The following FHOD3 variants were observed in gnomAD, a reference collection of about 807,000 sequenced individuals.
FHOD3 encodes FH1/FH2 domain-containing protein 3.
In FHOD3, 90 loss-of-function variants were observed where a neutral mutation model predicts 173.0. The ratio of observed to expected loss-of-function variants is 0.52; its 90% CI spans 0.44 to 0.62. The LOEUF is 0.62. Among genes scored for constraint, FHOD3 ranks in the 20% least tolerant of loss-of-function variants. The pLI is 0.00. For synonymous variants in FHOD3, 828 were observed against 823.0 expected (o/e 1.01, Z -0.10); for missense variants, 1,945 against 2,034.7 (o/e 0.96, Z 0.85).
At chr18:36,421,351 C>T (rs1461541817) in intron 3 of FHOD3, among the ~76,000 whole-genome samples, 1 of 152,146 alleles carries the variant, frequency 6.6e-6, no homozygotes, top group Non-Finnish European at 1.5e-5. Context: ...ACCAATGAGG[C>T]ATCTGGATAG....
At chr18:36,298,321 G>T (rs982769968) in intron 1 of FHOD3, among the ~76,000 whole-genome samples, 3 of 152,130 alleles carry the variant, frequency 2.0e-5, no homozygotes, top group African/African-American at 7.2e-5. Flanking sequence ...GGTGGGCGGG[G>T]TGGGGCTAGG....
chr18:36,490,869 G>A (rs75400370), intron 3 of FHOD3, among the ~76,000 whole-genome samples: 1 of 152,346 alleles, frequency 6.6e-6, no homozygotes, highest in Non-Finnish European at 1.5e-5. Context: ...GGAACATCCA[G>A]TGTCCTAAAA....
intron 3 of FHOD3, among the ~76,000 whole-genome samples, chr18:36,394,924 A>C (rs561247962): frequency 2.6e-5 from 4 of 152,354 alleles, no homozygotes; most frequent in African/African-American, 9.6e-5. Context: ...TCATGAGAGC[A>C]TACTAATACT....
rs77978742 is a variant in FHOD3, at chr18:36,725,103, G to T, written c.3418-5543G>T. Among the ~76,000 whole-genome samples, 39 of 152,302 alleles carry T rather than the reference G, an allele frequency of 2.6e-4. No individual in the cohort carries two copies. In the East Asian group the frequency reaches 7.1e-3, roughly 28 times the overall value. On this transcript the variant is annotated intron_variant, in intron 19 of 28. Transcript: ENST00000590592. ...ATAGTTGTTCCTGTTTTCACATCCAGCCAACCCCTAGTCTAGCATCCTGTA... is the reference window on the plus strand; with the variant it reads ...ATAGTTGTTCCTGTTTTCACATCCATCCAACCCCTAGTCTAGCATCCTGTA...
At chr18:36,770,552 A>G (rs573092399) in intron 28 of FHOD3, among the ~76,000 whole-genome samples, 1 of 152,294 alleles carries the variant, frequency 6.6e-6, no homozygotes, top group African/African-American at 2.4e-5. Flanking sequence ...AGAAAGGAAA[A>G]TAACACTTGA....
chr18:36,550,305 C>G (rs148066235), intron 5 of FHOD3, among the ~76,000 whole-genome samples: 1 of 145,098 alleles, frequency 6.9e-6, no homozygotes, highest in African/African-American at 2.6e-5. Context: ...TACCATTGAT[C>G]TGTTTGCCTG....
intron 3 of FHOD3, among the ~76,000 whole-genome samples, chr18:36,373,447 A>G (rs201757531): frequency 0.083 from 1 of 12 alleles, no homozygotes; most frequent in Admixed American, 0.25. Flanking sequence ...TCTATACCCG[A>G]AAACATATTC....
intron 3 of FHOD3, among the ~76,000 whole-genome samples, chr18:36,404,372 A>G (rs1462287916): frequency 6.6e-6 from 1 of 152,210 alleles, no homozygotes; most frequent in Non-Finnish European, 1.5e-5. Context: ...TCCATAAATC[A>G]GGGATTGTAG....
chr18:36,649,011 T>C (rs980411527), intron 10 of FHOD3, among the ~76,000 whole-genome samples: 1 of 152,130 alleles, frequency 6.6e-6, no homozygotes, highest in Admixed American at 6.5e-5. Flanking sequence ...CTTCTGTGAA[T>C]TGCATGTAGG....
chr18:36,494,620 C>T (rs1172071394), intron 3 of FHOD3, among the ~76,000 whole-genome samples: 1 of 152,136 alleles, frequency 6.6e-6, no homozygotes, highest in African/African-American at 2.4e-5. Context: ...ATCAGCCTGC[C>T]CCCAGCTTCT....
intron 1 of FHOD3, among the ~76,000 whole-genome samples, chr18:36,336,515 A>G (rs1163242974): frequency 2.0e-5 from 3 of 152,170 alleles, no homozygotes; most frequent in Admixed American, 1.3e-4. Context: ...TAAAATGTTC[A>G]TTGACCATCC....
intron 17 of FHOD3, among the ~76,000 whole-genome samples, chr18:36,706,626 A>T (rs899354915): frequency 6.6e-6 from 1 of 152,192 alleles, no homozygotes. Flanking sequence ...ATGGCAGTGC[A>T]CACCCGCAGG....
chr18:36,447,475 TG>T (rs1261832723), intron 3 of FHOD3, among the ~76,000 whole-genome samples: 1 of 146,060 alleles, frequency 6.8e-6, no homozygotes, highest in Non-Finnish European at 1.5e-5. Flanking sequence ...TTTTCCTGCC[TG>T]AGCTGGTTTT....
intron 3 of FHOD3, among the ~76,000 whole-genome samples, chr18:36,397,472 A>T (rs1874425775): frequency 1.3e-5 from 2 of 152,054 alleles, no homozygotes; most frequent in Admixed American, 6.5e-5. Context: ...TTTTTAAAGG[A>T]TGGGTTTTAG....
intron 10 of FHOD3, among the ~76,000 whole-genome samples, chr18:36,635,587 G>T (rs1306086333): frequency 6.6e-6 from 1 of 152,212 alleles, no homozygotes; most frequent in African/African-American, 2.4e-5. Context: ...GGAGGCTGTG[G>T]TTTGTAGGAC....
chr18:36,306,546 A>G (rs1023044085), intron 1 of FHOD3, among the ~76,000 whole-genome samples: 6 of 152,190 alleles, frequency 3.9e-5, no homozygotes, highest in African/African-American at 1.4e-4. Context: ...GCCAAAGAGG[A>G]AAGAGACATT....
chr18:36,355,820 T>C (rs530273672), intron 2 of FHOD3, among the ~76,000 whole-genome samples, 175 bp downstream of exon 2: 20 of 152,364 alleles, frequency 1.3e-4, no homozygotes, highest in Non-Finnish European at 2.4e-4. Context: ...CCCGTTTCCA[T>C]TTTGAGTAAC....
At chr18:36,705,990 T>TGC (rs1555812982) in intron 17 of FHOD3, among the ~76,000 whole-genome samples, 19 of 135,828 alleles carry the variant, frequency 1.4e-4, no homozygotes, top group Non-Finnish European at 2.1e-4. Context: ...TGTGTGTGTG[T>TGC]GCACGGAGAG....
chr18:36,656,740 C>T (rs1397044653), intron 13 of FHOD3, among the ~76,000 whole-genome samples: 1 of 152,042 alleles, frequency 6.6e-6, no homozygotes, highest in Non-Finnish European at 1.5e-5. Context: ...CCTATATTAT[C>T]ATTTTTCGTG....
Sources: gnomAD v4.1 joint callset for allele counts (sites outside exome capture counted in the v4.1 genomes callset) on GRCh38, gnomAD v4.1.1 for gene constraint, MANE v1.5 for transcripts, NCBI Gene and HGNC (gene_info 2026-07-23, HGNC 2026-07-21) for gene names.